SLC25A37: variants seen among roughly 807,000 people sequenced by gnomAD.
The protein encoded by SLC25A37 is solute carrier family 25 member 37, also known as mitoferrin-1.
A neutral mutation model predicts 31.0 loss-of-function variants in SLC25A37; 17 were observed. The observed-to-expected ratio is 0.55, with a 90% confidence interval of 0.38 to 0.82. SLC25A37 has a LOEUF of 0.82. SLC25A37 is among the 40% of genes least tolerant of loss of function. SLC25A37 has a pLI of 0.00. For synonymous variants in SLC25A37, 222 were observed against 193.0 expected (o/e 1.15, Z -1.24); for missense variants, 404 against 465.8 (o/e 0.87, Z 1.22).
At chr8:23,565,498 AAAAAG>A (rs1157292399) in intron 1 of SLC25A37, among the ~76,000 whole-genome samples, 1 of 152,242 alleles carries the variant, frequency 6.6e-6, no homozygotes, top group African/African-American at 2.4e-5. Context: ...TTAAAAAAAA[AAAAAG>A]AAATTAAGAA....
chr8:23,552,377 C>A (rs991375323), intron 1 of SLC25A37, among the ~76,000 whole-genome samples: 10 of 152,280 alleles, frequency 6.6e-5, no homozygotes, highest in African/African-American at 2.4e-4. Flanking sequence ...GTTACTTATC[C>A]AAGTTCATAT....
At chr8:23,556,230 A>ATTTT (rs10687321) in intron 1 of SLC25A37, among the ~76,000 whole-genome samples, 11 of 139,960 alleles carry the variant, frequency 7.9e-5, no homozygotes, top group Non-Finnish European at 9.2e-5. Flanking sequence ...AAGAGCACCA[A>ATTTT]TTTTTTTTTT....
At chr8:23,534,656 G>C (rs890432983) in intron 1 of SLC25A37, among the ~76,000 whole-genome samples, 2 of 152,118 alleles carry the variant, frequency 1.3e-5, no homozygotes, top group Non-Finnish European at 2.9e-5. Flanking sequence ...CCTGGACCGG[G>C]TCCCATTTCC....
At chr8:23,553,350 G>C (rs977600327) in intron 1 of SLC25A37, among the ~76,000 whole-genome samples, 1 of 152,128 alleles carries the variant, frequency 6.6e-6, no homozygotes, top group African/African-American at 2.4e-5. Flanking sequence ...GAACCCGGGG[G>C]CTGGAAGTTG....
At chr8:23,557,669 A>AT (rs1254865275) in intron 1 of SLC25A37, among the ~76,000 whole-genome samples, 3 of 152,136 alleles carry the variant, frequency 2.0e-5, no homozygotes, top group Non-Finnish European at 1.5e-5. Context: ...GGATGGGCTC[A>AT]TGGTGGACAT....
At position 23,529,938 on chromosome 8, in the gene SLC25A37, T is replaced by C. The variant is rs2117375072; in HGVS notation, c.210+726T>C. 6.6e-6 allele frequency among the ~76,000 whole-genome samples: 1 copy of C among 152,082 alleles called. No individual in the cohort carries two copies. The highest frequency in any genetic ancestry group is 2.4e-5 in the African/African-American group (1 of 41,478). Reference sequence around the variant, plus strand: ...TGTGCCTTACAGCCCTTGCTGTGGATTGTGTGAGAGGCACTCAGTTTCCTT... The same window carrying C: ...TGTGCCTTACAGCCCTTGCTGTGGACTGTGTGAGAGGCACTCAGTTTCCTT... On this transcript the variant is annotated intron_variant, in intron 1 of 3. Coordinates refer to ENST00000519973, the MANE Select transcript of SLC25A37 (RefSeq NM_016612.4). This position sits in a 1 kb window ranked among gnomAD's most constrained non-coding sequence, Gnocchi z 4.1.
At chr8:23,564,057 T>C (rs1412168646) in intron 1 of SLC25A37, among the ~76,000 whole-genome samples, 1 of 152,148 alleles carries the variant, frequency 6.6e-6, no homozygotes, top group African/African-American at 2.4e-5. Flanking sequence ...CCTTACTTTT[T>C]TTTAAGCATT....
intron 1 of SLC25A37, among the ~76,000 whole-genome samples, chr8:23,533,438 T>A (rs1395138936): frequency 1.3e-5 from 2 of 152,228 alleles, no homozygotes; most frequent in African/African-American, 4.8e-5. Context: ...AGGAATGTGC[T>A]TCCCAAACCT....
Position 23,529,811 on chromosome 8 carries a change from T to C in SLC25A37, c.210+599T>C, listed in dbSNP as rs865938174. On this transcript the variant is annotated intron_variant, in intron 1 of 3. Coordinates refer to ENST00000519973, the MANE Select transcript of SLC25A37 (RefSeq NM_016612.4). This position sits in a 1 kb window ranked among gnomAD's most constrained non-coding sequence, Gnocchi z 4.1. ...CGACAGCGGCCCGTGGGATCCCCTT[T>C]CTGAGGGTTCCTGCACTTCTTCCCC... Among the ~76,000 whole-genome samples the C allele has an allele frequency of 1.3e-5, 2 of 152,202 alleles. No individual in the cohort carries two copies. Among genetic ancestry groups the C allele is most frequent in the African/African-American group, 4.8e-5 (2 of 41,548 alleles).
At chr8:23,568,948 GAAAA>G (rs36012601) in intron 3 of SLC25A37, 6 of 120,454 alleles carry the variant, frequency 5.0e-5, no homozygotes, top group Admixed American at 8.7e-5. Flanking sequence ...ATCTCAAAAG[GAAAA>G]AAAAAAAAAA....
chr8:23,542,854 T>C (rs1801934011), intron 1 of SLC25A37, among the ~76,000 whole-genome samples: 1 of 151,866 alleles, frequency 6.6e-6, no homozygotes, highest in Admixed American at 6.6e-5. Flanking sequence ...TAGGCTAATG[T>C]GTATGTTTAA....
Position 23,566,930 on chromosome 8 carries a change from T to A in SLC25A37, c.439+594T>A, listed in dbSNP as rs570228477. 1.3e-4 allele frequency: 86 copies of A among 668,938 alleles called. 2 individuals are homozygous for A. The South Asian group carries it at 5.2e-3, about 41-fold the overall frequency. The allele number at this position is 668,938 out of a possible 1,614,324, so 41.4% of individuals were successfully genotyped here. The stretch of plus-strand genomic sequence containing the variant: ...TTCTCTTCTGTTTGTCTGAGTCTCA[T>A]CTCTCTGCAAGCAAGGGCTGAAATC... On this transcript the variant is annotated intron_variant, in intron 2 of 3. Transcript: ENST00000519973.
chr8:23,530,667 C>T (rs1801645645), intron 1 of SLC25A37, among the ~76,000 whole-genome samples: 1 of 152,216 alleles, frequency 6.6e-6, no homozygotes, highest in African/African-American at 2.4e-5. Context: ...TAATAAAATT[C>T]TCCATGATTG....
intron 1 of SLC25A37, among the ~76,000 whole-genome samples, chr8:23,556,945 A>C (rs182539822): frequency 3.9e-4 from 59 of 152,026 alleles, no homozygotes; most frequent in African/African-American, 1.4e-3. Context: ...CCACCTCCTG[A>C]GTTCGAGCGA....
At chr8:23,537,043 A>G (rs183376039) in intron 1 of SLC25A37, among the ~76,000 whole-genome samples, 7 of 152,152 alleles carry the variant, frequency 4.6e-5, no homozygotes, top group Non-Finnish European at 8.8e-5. Flanking sequence ...AAAAAATAAA[A>G]ACATTAGCTT....
chr8:23,546,535 A>ATATATATATATATATATAGGTG (rs1802051579), intron 1 of SLC25A37, among the ~76,000 whole-genome samples: 2 of 16,292 alleles, frequency 1.2e-4, no homozygotes, highest in African/African-American at 8.1e-4. Context: ...ATAGGTGTAT[A>ATATATATATATATATATAGGTG]TATATATATA....
chr8:23,568,271 TC>T (rs868175662), intron 2 of SLC25A37, 50 bp from the exon 3 acceptor site: 3 of 1,606,166 alleles, frequency 1.9e-6, no homozygotes, highest in Non-Finnish European at 2.6e-6. Context: ...TCCAGGAACT[TC>T]CTGAGAACAC....
chr8:23,560,226 C>T (rs994609488), intron 1 of SLC25A37, among the ~76,000 whole-genome samples: 5 of 152,068 alleles, frequency 3.3e-5, no homozygotes, highest in African/African-American at 9.7e-5. Context: ...TATGATCGTG[C>T]CACTGCACTC....
chr8:23,566,383 C>T (rs1802657453), intron 2 of SLC25A37, 47 bp downstream of exon 2: 1 of 1,573,192 alleles, frequency 6.4e-7, no homozygotes, highest in South Asian at 1.2e-5. Context: ...TCTTCTTCAA[C>T]ACGTCCCTCC....
Sources: allele counts gnomAD v4.1 joint callset (sites outside exome capture counted in the v4.1 genomes callset), GRCh38; gene constraint gnomAD v4.1.1; non-coding constraint Gnocchi (gnomAD v3.1); transcripts MANE v1.5; gene names NCBI Gene and HGNC (gene_info 2026-07-23, HGNC 2026-07-21).